The following MGAT4C variants were observed in gnomAD, a reference collection of about 807,000 sequenced individuals.
The protein encoded by MGAT4C is alpha-1,3-mannosyl-glycoprotein 4-beta-N-acetylglucosaminyltransferase C.
MGAT4C carries 19 observed loss-of-function variants against 40.1 expected under a neutral mutation model. The observed-to-expected ratio is 0.47, with a 90% CI of 0.33 to 0.70. The LOEUF is 0.70. Ranked by LOEUF, MGAT4C falls within the 30% of genes least tolerant of loss-of-function variation. MGAT4C has a pLI of 0.02. For synonymous variants in MGAT4C, 181 were observed against 187.1 expected, an observed-to-expected ratio of 0.97 and a Z score of 0.27; for missense variants, 491 against 563.2, an observed-to-expected ratio of 0.87 and a Z score of 1.30.
intron 1 of MGAT4C, among the ~76,000 whole-genome samples, chr12:86,088,406 A>G (rs7304212): frequency 0.023 from 3,465 of 152,222 alleles, 114 homozygotes; most frequent in African/African-American, 0.079. Context: ...CTGCACAGCA[A>G]AAGAAACTAT....
At chr12:86,471,832 C>T (rs373269013) in intron 2 of MGAT4C, among the ~76,000 whole-genome samples, 1 of 152,002 alleles carries the variant, frequency 6.6e-6, no homozygotes, top group African/African-American at 2.4e-5. Flanking sequence ...CATAGTATTA[C>T]TTGAAAATGC....
chr12:86,751,525 G>A (rs1679257234), intron 1 of MGAT4C, among the ~76,000 whole-genome samples: 1 of 151,980 alleles, frequency 6.6e-6, no homozygotes, highest in Admixed American at 6.6e-5. Flanking sequence ...CCTGCACTCA[G>A]CTAAGTAATG....
At chr12:86,443,161 T>A (rs921179892) in intron 2 of MGAT4C, among the ~76,000 whole-genome samples, 2 of 151,958 alleles carry the variant, frequency 1.3e-5, no homozygotes, top group African/African-American at 4.8e-5. Flanking sequence ...TGAAGTATAT[T>A]TATATTTCCA....
intron 3 of MGAT4C, among the ~76,000 whole-genome samples, chr12:86,397,883 A>T (rs1468156592): frequency 6.6e-6 from 1 of 152,312 alleles, no homozygotes; most frequent in East Asian, 1.9e-4. Flanking sequence ...GGATGGCATG[A>T]GCCCAGGAGT....
chr12:86,585,311 C>T (rs1321874323), intron 2 of MGAT4C, among the ~76,000 whole-genome samples: 1 of 151,414 alleles, frequency 6.6e-6, no homozygotes, highest in Non-Finnish European at 1.5e-5. Flanking sequence ...AAAATTCCTA[C>T]AGCCTTTCAG....
At position 86,389,217 on chromosome 12, in the gene MGAT4C, C is replaced by A. The variant is rs559036243; in HGVS notation, c.-120+45940G>T. ...TCCCATTCTGCACCCTCTGGAAGGC[C>A]CCATTGTGTGTTGTTTTCCTCTACG... On this transcript the variant is annotated intron_variant, in intron 3 of 7. Coordinates refer to the MGAT4C transcript ENST00000548651. Among the ~76,000 whole-genome samples the A allele has an allele frequency of 4.6e-5, 7 of 152,114 alleles. No individual in the cohort carries two copies. The South Asian group carries it at 8.3e-4, about 18-fold the overall frequency.
chr12:86,484,581 C>T (rs1345033248), intron 2 of MGAT4C, among the ~76,000 whole-genome samples: 2 of 152,198 alleles, frequency 1.3e-5, no homozygotes, highest in African/African-American at 4.8e-5. Context: ...TGATCCCAAT[C>T]CCTCAGGGCT....
chr12:86,683,165 C>G (rs966490820), intron 2 of MGAT4C, among the ~76,000 whole-genome samples: 3 of 151,882 alleles, frequency 2.0e-5, no homozygotes, highest in Non-Finnish European at 4.4e-5. Context: ...CATAAAATAC[C>G]TCATAGGGTG....
intron 2 of MGAT4C, among the ~76,000 whole-genome samples, chr12:86,573,007 T>G (rs1487985702): frequency 6.6e-6 from 1 of 152,062 alleles, no homozygotes; most frequent in African/African-American, 2.4e-5. Context: ...AGGATGTTAG[T>G]TTTTTAAATT....
chr12:86,193,757 T>A (rs1460887525), intron 1 of MGAT4C, among the ~76,000 whole-genome samples: 3 of 152,176 alleles, frequency 2.0e-5, no homozygotes, highest in Non-Finnish European at 4.4e-5. Context: ...TCAAAGATAA[T>A]GTGCCTTTTG....
chr12:86,204,296 G>C (rs1392000315), intron 1 of MGAT4C, among the ~76,000 whole-genome samples: 1 of 152,020 alleles, frequency 6.6e-6, no homozygotes, highest in Non-Finnish European at 1.5e-5. Context: ...TAGTATGTGA[G>C]TGAATTTAAA....
In MGAT4C at chr12:86,606,756, G is replaced by T. The variant is rs543334933; in HGVS notation, c.-229+120453C>A. 2.8e-4 allele frequency among the ~76,000 whole-genome samples: 42 copies of T among 152,182 alleles called. 2 individuals carry two copies. In the South Asian group the frequency reaches 8.3e-3, roughly 30 times the overall value. Reference sequence around the variant, plus strand: ...CCAAGATTGCTGGATAAAAAAAAAGGCTGCATTATTACAGGTAAAACAAAT... The same window carrying T: ...CCAAGATTGCTGGATAAAAAAAAAGTCTGCATTATTACAGGTAAAACAAAT... On this transcript the variant is annotated intron_variant, in intron 2 of 7. Transcript: ENST00000548651.
Position 86,192,240 on chromosome 12 carries a change from A to C in MGAT4C, c.-57+63999T>G, listed in dbSNP as rs565945958. On this transcript the variant is annotated intron_variant, in intron 1 of 4. Coordinates refer to ENST00000611864, the MANE Select transcript of MGAT4C (RefSeq NM_001351288.2). ...ACATGTACCCTAGAACCTAAAGTAT[A>C]ATAGAAAAAAGTATATAATGTCCAA... is the stretch of plus-strand genomic sequence containing the variant. Among the ~76,000 whole-genome samples, 15 of 152,194 alleles carry C rather than the reference A, an allele frequency of 9.9e-5. No individual in the cohort carries two copies. In the South Asian group the frequency reaches 2.9e-3, roughly 29 times the overall value.
At chr12:86,019,675 C>T (rs1889462827) in intron 2 of MGAT4C, among the ~76,000 whole-genome samples, 1 of 151,722 alleles carries the variant, frequency 6.6e-6, no homozygotes, top group Admixed American at 6.6e-5. Context: ...GCAATGTGGG[C>T]TTTTTTTTGG....
chr12:86,420,246 G>T (rs1234739141), intron 3 of MGAT4C, among the ~76,000 whole-genome samples: 1 of 152,000 alleles, frequency 6.6e-6, no homozygotes, highest in Non-Finnish European at 1.5e-5. Context: ...GCGGAGCATG[G>T]TGGCATGTGC....
chr12:86,195,835 A>G (rs1949780207), intron 1 of MGAT4C, among the ~76,000 whole-genome samples: 1 of 152,166 alleles, frequency 6.6e-6, no homozygotes, highest in Non-Finnish European at 1.5e-5. Context: ...GTAGAAAAAT[A>G]TATCTGAATC....
intron 2 of MGAT4C, among the ~76,000 whole-genome samples, chr12:86,477,360 T>C (rs969907863): frequency 1.3e-5 from 2 of 151,992 alleles, no homozygotes; most frequent in South Asian, 2.1e-4. Flanking sequence ...GAGCTAAATA[T>C]TGAGTTCTCA....
chr12:86,506,497 C>A (rs1466045357), intron 2 of MGAT4C, among the ~76,000 whole-genome samples: 2 of 152,138 alleles, frequency 1.3e-5, no homozygotes, highest in African/African-American at 2.4e-5. Flanking sequence ...TTAAAATTTA[C>A]AGCATTTCAC....
chr12:86,443,380 G>A (rs1191812441), intron 2 of MGAT4C, among the ~76,000 whole-genome samples: 1 of 152,066 alleles, frequency 6.6e-6, no homozygotes, highest in Non-Finnish European at 1.5e-5. Flanking sequence ...GAAGCATGCT[G>A]AATAGACCTG....
Sources: gnomAD v4.1 joint callset for allele counts (sites outside exome capture counted in the v4.1 genomes callset) on GRCh38, gnomAD v4.1.1 for gene constraint, MANE v1.5 for transcripts, NCBI Gene and HGNC (gene_info 2026-07-23, HGNC 2026-07-21) for gene names.